PLEKHM1: variants seen among roughly 807,000 people sequenced by gnomAD.
PLEKHM1 encodes pleckstrin homology and RUN domain containing M1, also known as pleckstrin homology domain-containing family M member 1.
PLEKHM1 carries 28 observed loss-of-function variants against 94.3 expected under a neutral mutation model. That is an observed-to-expected ratio of 0.30 (90% CI 0.22 to 0.41). The LOEUF is 0.41. PLEKHM1 is among the 10% of genes least tolerant of loss of function. The probability of loss-of-function intolerance (pLI) is 1.00; values close to 1 mark genes in which losing one functional copy is unlikely to be tolerated. For synonymous variants in PLEKHM1, 424 were observed against 581.2 expected, an observed-to-expected ratio of 0.73 and a Z score of 3.89; for missense variants, 907 against 1,358.6, an observed-to-expected ratio of 0.67 and a Z score of 5.22.
chr17:45,488,814 C>A (rs928751522), intron 1 of PLEKHM1, among the ~76,000 whole-genome samples: 1 of 152,120 alleles, frequency 6.6e-6, no homozygotes, highest in Non-Finnish European at 1.5e-5. Context: ...TGGTGTATGC[C>A]TGTAATCCCA....
intron 2 of PLEKHM1, among the ~76,000 whole-genome samples, chr17:45,478,981 T>G (rs2051849463): frequency 6.6e-6 from 1 of 151,826 alleles, no homozygotes; most frequent in South Asian, 2.1e-4. Flanking sequence ...TTCTGATTTA[T>G]AGTACTATGA....
chr17:45,444,972 C>A lies in PLEKHM1; in HGVS notation c.2837+498G>T, dbSNP rs2050557280. On this transcript the variant is annotated intron_variant, in intron 9 of 11. Coordinates refer to ENST00000430334, the MANE Select transcript of PLEKHM1 (RefSeq NM_014798.3). This position sits in a 1 kb window ranked among gnomAD's most constrained non-coding sequence, Gnocchi z 5.0. ...ACCTGTCTCCCTCTCACCCTCACCC[C>A]CGGATGGAGTTGCTGGCTTTCCTAC... Among the ~76,000 whole-genome samples the A allele has an allele frequency of 6.6e-6, 1 of 152,110 alleles. No homozygotes were observed. Among genetic ancestry groups the A allele is most frequent in the African/African-American group, 2.4e-5 (1 of 41,400 alleles).
At position 45,442,370 on chromosome 17, in the gene PLEKHM1, A is replaced by T. The variant is rs116404648; in HGVS notation, c.2838-2144T>A. ...CCACCCAGGGCTCTCCCCTTCACCA[A>T]CTGCACTCCACTGGGGCCAGAATGG... On this transcript the variant is annotated intron_variant, in intron 9 of 11. Coordinates refer to ENST00000430334, the MANE Select transcript of PLEKHM1 (RefSeq NM_014798.3). Among the ~76,000 whole-genome samples, 939 of 151,872 alleles carry T rather than the reference A, an allele frequency of 6.2e-3. 6 individuals carry two copies. The highest frequency in any genetic ancestry group is 0.022 in the African/African-American group (894 of 41,408).
rs769164032 is a variant in PLEKHM1, at chr17:45,475,311, C to T, written c.712G>A (p.Gly238Ser). 6.2e-7 allele frequency: 1 copy of T among 1,613,906 alleles called. No individual in the cohort carries two copies. Among genetic ancestry groups the T allele is most frequent in the South Asian group, 1.1e-5 (1 of 91,078 alleles). The change falls in exon 4 of 12, where the codon GGC becomes AGC. Residue 238 changes from glycine (G) to serine (S), a missense_variant. Coordinates refer to ENST00000430334, the MANE Select transcript of PLEKHM1 (RefSeq NM_014798.3). ...GSEDIEVHHS[G>S]HKIRRNQKLT... ...TTCTGGTTCCTCCGTATCTTATGGC[C>T]CGAGTGATGGACTTCGATGTCTTCA...
At chr17:45,440,094 T>G in intron 10 of PLEKHM1, 69 bp downstream of exon 10, 1 of 1,419,350 alleles carries the variant, frequency 7.0e-7, no homozygotes, top group Non-Finnish European at 1.0e-6. Flanking sequence ...CTCTTCCATC[T>G]TCCTTGCTGA....
In PLEKHM1 at chr17:45,440,339, G is replaced by A; in HGVS notation, c.2838-113C>T. ...TCACCAGGCAGACACCCCCCGCCTG[G>A]GCGGGGCAGGGGCTAGGAGTGTAAT... On this transcript the variant is annotated intron_variant, in intron 9 of 11. Transcript: ENST00000430334. The A allele has an allele frequency of 3.8e-6, 4 of 1,042,804 alleles. No individual in the cohort carries two copies. In the South Asian group the frequency reaches 3.9e-5, roughly 10 times the overall value. The allele number at this position is 1,042,804 out of a possible 1,614,324, so 64.6% of individuals were successfully genotyped here. A position where few individuals can be genotyped will look rare whatever the true frequency, so the allele number is the denominator to read the frequency against.
At chr17:45,473,160 G>T (rs1426587289) in intron 4 of PLEKHM1, among the ~76,000 whole-genome samples, 1 of 152,018 alleles carries the variant, frequency 6.6e-6, no homozygotes, top group Non-Finnish European at 1.5e-5. Context: ...TTATGGAACA[G>T]AGATAGCTAC....
At chr17:45,438,028 AC>A in intron 11 of PLEKHM1, 59 bp from the exon 12 acceptor site, 1 of 1,326,684 alleles carries the variant, frequency 7.5e-7, no homozygotes, top group Non-Finnish European at 1.1e-6. Context: ...CCCTGTGGCC[AC>A]GCTGGCCAGC....
chr17:45,464,636 A>G (rs2051262047), intron 5 of PLEKHM1, among the ~76,000 whole-genome samples: 1 of 152,088 alleles, frequency 6.6e-6, no homozygotes, highest in African/African-American at 2.4e-5. Context: ...AGACAGACAC[A>G]GGACGGGGGC....
At chr17:45,485,413 A>T (rs1367271227) in intron 1 of PLEKHM1, among the ~76,000 whole-genome samples, 1 of 152,068 alleles carries the variant, frequency 6.6e-6, no homozygotes, top group Non-Finnish European at 1.5e-5. Flanking sequence ...GAAGCCCCAA[A>T]GTTGCCCTTC....
intron 6 of PLEKHM1, among the ~76,000 whole-genome samples, chr17:45,455,986 C>T (rs1439635810): frequency 2.6e-5 from 4 of 152,196 alleles, no homozygotes; most frequent in African/African-American, 9.7e-5. Flanking sequence ...CCACTCTGGT[C>T]TCCACTGTCC....
At position 45,468,556 on chromosome 17, in the gene PLEKHM1, C is replaced by G. The variant is rs2051396893; in HGVS notation, c.961G>C (p.Val321Leu). 1.2e-6 allele frequency: 2 copies of G among 1,614,182 alleles called. No homozygotes were observed. The highest frequency in any genetic ancestry group is 1.7e-6 in the Non-Finnish European group (2 of 1,180,032). Residue 321 changes from valine to leucine, a missense_variant, in exon 5 of 12, where the codon GTG becomes CTG. This residue lies in a region of PLEKHM1 where 477 missense variants were observed against 601.5 expected (regional missense o/e 0.79). Coordinates refer to ENST00000430334, the MANE Select transcript of PLEKHM1 (RefSeq NM_014798.3). Reference sequence around the variant, plus strand: ...TCTTGGCTCAGTCCGTTGGTTGGCACAGAGTTTACCTGGGCTTTGCTGAAT... The same window carrying G: ...TCTTGGCTCAGTCCGTTGGTTGGCAGAGAGTTTACCTGGGCTTTGCTGAAT... Reference protein sequence around the residue: ...LEFSKAQVNSVPTNGLSQETE... With the variant: ...LEFSKAQVNSLPTNGLSQETE...
intron 1 of PLEKHM1, among the ~76,000 whole-genome samples, chr17:45,483,642 T>C (rs1004314864): frequency 1.3e-5 from 2 of 152,158 alleles, no homozygotes; most frequent in African/African-American, 2.4e-5. Flanking sequence ...ACAAAGAAGT[T>C]AACAAAACCA....
At chr17:45,460,188 G>A (rs950234126) in intron 5 of PLEKHM1, 4 of 152,240 alleles carry the variant, frequency 2.6e-5, no homozygotes, top group African/African-American at 9.7e-5. Flanking sequence ...ACGCCACCCA[G>A]GAGAAAGGCG....
chr17:45,488,040 C>T (rs2052184226), intron 1 of PLEKHM1, among the ~76,000 whole-genome samples: 2 of 152,218 alleles, frequency 1.3e-5, no homozygotes, highest in African/African-American at 2.4e-5. Flanking sequence ...CTGAGGAAAG[C>T]TGGATTTCTG....
At chr17:45,464,858 C>T (rs571661613) in intron 5 of PLEKHM1, among the ~76,000 whole-genome samples, 52 of 152,312 alleles carry the variant, frequency 3.4e-4, no homozygotes, top group African/African-American at 1.0e-3. Context: ...TGAGCTATCA[C>T]GCCTCGCCTG....
At chr17:45,459,217 G>A (rs569841319) in intron 5 of PLEKHM1, among the ~76,000 whole-genome samples, 2 of 152,264 alleles carry the variant, frequency 1.3e-5, no homozygotes, top group Admixed American at 6.5e-5. Context: ...CACCATCTAA[G>A]TTTAGCAAAT....
intron 9 of PLEKHM1, among the ~76,000 whole-genome samples, chr17:45,442,129 G>A (rs947777632): frequency 1.3e-5 from 2 of 152,156 alleles, no homozygotes; most frequent in African/African-American, 4.8e-5. Flanking sequence ...CCCAAGGGCT[G>A]GAGAGGACAC....
chr17:45,462,585 G>A (rs562656973), intron 5 of PLEKHM1, among the ~76,000 whole-genome samples: 17 of 152,084 alleles, frequency 1.1e-4, no homozygotes, highest in East Asian at 3.9e-4. Flanking sequence ...GCCCCTACTG[G>A]GATCCCACAA....
Sources: gnomAD v4.1 joint callset for allele counts (sites outside exome capture counted in the v4.1 genomes callset) on GRCh38, gnomAD v4.1.1 for gene constraint, gnomAD v4.1.1 regional missense constraint, Gnocchi (gnomAD v3.1) non-coding constraint, MANE v1.5 for transcripts, NCBI Gene and HGNC (gene_info 2026-07-23, HGNC 2026-07-21) for gene names.